The following BACE2 variants were observed in gnomAD, a reference collection of about 807,000 sequenced individuals.
The protein encoded by BACE2 is 56 kDa aspartic-like protease.
A neutral mutation model predicts 46.2 loss-of-function variants in BACE2; 17 were observed. That is an observed-to-expected ratio of 0.37 (90% CI 0.25 to 0.55). The LOEUF (loss-of-function observed/expected upper bound fraction) is 0.55. BACE2 is among the 20% of genes least tolerant of loss of function. The pLI, the probability that BACE2 is intolerant of heterozygous loss-of-function variation, is 0.82. For synonymous variants in BACE2, 277 were observed against 295.9 expected, an observed-to-expected ratio of 0.94 and a Z score of 0.66; for missense variants, 595 against 698.1, an observed-to-expected ratio of 0.85 and a Z score of 1.66.
intron 8 of BACE2, among the ~76,000 whole-genome samples, chr21:41,273,195 G>A (rs535240007): frequency 3.9e-5 from 6 of 152,186 alleles, no homozygotes; most frequent in Non-Finnish European, 7.3e-5. Flanking sequence ...AAGATCACAG[G>A]ACCAGGGCGA....
chr21:41,228,244 C>T lies in BACE2; in HGVS notation c.401+1890C>T, dbSNP rs77714457. On this transcript the variant is annotated intron_variant, in intron 2 of 8. Coordinates refer to ENST00000330333, the MANE Select transcript of BACE2 (RefSeq NM_012105.5). ...CCTCAGTACGTGAACACTCTGGCTC[C>T]GTGGTGCTGGTAGACCACGCAGTAG... is the stretch of plus-strand genomic sequence containing the variant. 8.7e-3 allele frequency among the ~76,000 whole-genome samples: 1,332 copies of T among 152,244 alleles called. 29 individuals carry two copies. Among genetic ancestry groups the T allele is most frequent in the African/African-American group, 0.029 (1,222 of 41,536 alleles).
intron 1 of BACE2, among the ~76,000 whole-genome samples, chr21:41,187,893 TC>T (rs1985433344): frequency 6.6e-6 from 1 of 152,210 alleles, no homozygotes; most frequent in Non-Finnish European, 1.5e-5. Context: ...TTCCATGTAA[TC>T]CATCAGGAAG....
intron 2 of BACE2, among the ~76,000 whole-genome samples, chr21:41,235,073 C>A (rs988616881): frequency 6.6e-6 from 1 of 152,150 alleles, no homozygotes; most frequent in Non-Finnish European, 1.5e-5. Flanking sequence ...GCCAGACCTT[C>A]GTAAAATAAC....
intron 1 of BACE2, among the ~76,000 whole-genome samples, chr21:41,173,347 G>C (rs1413195147): frequency 6.6e-6 from 1 of 152,236 alleles, no homozygotes; most frequent in African/African-American, 2.4e-5. Context: ...CGGCAAGAGA[G>C]TGCCCTGGGG....
chr21:41,173,700 C>T (rs559881533), intron 1 of BACE2, among the ~76,000 whole-genome samples: 80 of 152,178 alleles, frequency 5.3e-4, no homozygotes, highest in Non-Finnish European at 8.8e-4. Context: ...GAGCCGAGAT[C>T]GTGTCACTGC....
At chr21:41,189,808 T>C (rs1272365665) in intron 1 of BACE2, among the ~76,000 whole-genome samples, 3 of 152,164 alleles carry the variant, frequency 2.0e-5, no homozygotes, top group Non-Finnish European at 4.4e-5. Flanking sequence ...CATAGACATA[T>C]AGATAAAGGG....
At chr21:41,184,317 A>G (rs1352695375) in intron 1 of BACE2, 2 of 167,074 alleles carry the variant, frequency 1.2e-5, no homozygotes, top group Non-Finnish European at 2.9e-5. Context: ...TGGCTTAACC[A>G]CACACTTTTT....
At chr21:41,207,835 G>A (rs1203831769) in intron 1 of BACE2, among the ~76,000 whole-genome samples, 14 of 152,218 alleles carry the variant, frequency 9.2e-5, no homozygotes, top group Non-Finnish European at 1.8e-4. Flanking sequence ...GGCAGAGTGA[G>A]AATCAGACCC....
intron 7 of BACE2, among the ~76,000 whole-genome samples, chr21:41,253,963 C>A (rs1245621885): frequency 6.6e-6 from 1 of 152,220 alleles, no homozygotes; most frequent in Admixed American, 6.5e-5. Flanking sequence ...TGGGAAAGAT[C>A]ACCTGGTGAG....
chr21:41,258,414 C>G (rs1987847059), intron 8 of BACE2, among the ~76,000 whole-genome samples: 1 of 152,230 alleles, frequency 6.6e-6, no homozygotes, highest in African/African-American at 2.4e-5. Context: ...AGCCTCAACT[C>G]AGACCTTCAC....
At chr21:41,215,639 A>C (rs889838492) in intron 1 of BACE2, among the ~76,000 whole-genome samples, 1 of 152,204 alleles carries the variant, frequency 6.6e-6, no homozygotes, top group South Asian at 2.1e-4. Context: ...TGTGACTTCT[A>C]TGGGAGGCTC....
At chr21:41,183,677 A>C (rs1167897833) in intron 1 of BACE2, 1 of 167,214 alleles carries the variant, frequency 6.0e-6, no homozygotes, top group Admixed American at 6.5e-5. Context: ...AAAAATGTTC[A>C]GGCGGCTGCT....
At chr21:41,272,227 C>T (rs1039959775) in intron 8 of BACE2, among the ~76,000 whole-genome samples, 35 of 151,896 alleles carry the variant, frequency 2.3e-4, no homozygotes, top group African/African-American at 4.1e-4. Context: ...TCTTTTTTCT[C>T]TCTCCTTGCT....
chr21:41,204,876 C>T (rs1336926756), intron 1 of BACE2, among the ~76,000 whole-genome samples: 3 of 152,188 alleles, frequency 2.0e-5, no homozygotes, highest in Non-Finnish European at 2.9e-5. Flanking sequence ...CTTGGAAGGG[C>T]TTTAAGAAAG....
At chr21:41,235,673 C>CA (rs1033704577) in intron 2 of BACE2, among the ~76,000 whole-genome samples, 1 of 151,754 alleles carries the variant, frequency 6.6e-6, no homozygotes, top group Non-Finnish European at 1.5e-5. Flanking sequence ...CCTGTCTCGG[C>CA]AAAAAAAGAA....
chr21:41,172,305 C>A lies in BACE2; in HGVS notation c.312+3730C>A, dbSNP rs1040073871. Among the ~76,000 whole-genome samples the A allele has an allele frequency of 3.3e-5, 5 of 152,306 alleles. 1 individual carries two copies. Among genetic ancestry groups the A allele is most frequent in the Admixed American group, 3.3e-4 (5 of 15,300 alleles). On this transcript the variant is annotated intron_variant, in intron 1 of 8. Coordinates refer to ENST00000330333, the MANE Select transcript of BACE2 (RefSeq NM_012105.5). ...ATCAGCTTGAAACAACAAGGAGGGA[C>A]AGGAGTCTGAGAAATAGTTTATAAG...
At chr21:41,222,873 A>T (rs1459147845) in intron 1 of BACE2, among the ~76,000 whole-genome samples, 1 of 152,082 alleles carries the variant, frequency 6.6e-6, no homozygotes, top group Non-Finnish European at 1.5e-5. Flanking sequence ...AGCCCTAGGG[A>T]TCACCTCCGG....
intron 1 of BACE2, among the ~76,000 whole-genome samples, chr21:41,213,046 T>A (rs1986347806): frequency 6.6e-6 from 1 of 152,230 alleles, no homozygotes. Flanking sequence ...ATTGGCATTC[T>A]CTCTGCTCCC....
At chr21:41,201,141 T>G (rs182776493) in intron 1 of BACE2, among the ~76,000 whole-genome samples, 44 of 152,358 alleles carry the variant, frequency 2.9e-4, no homozygotes, top group African/African-American at 1.1e-3. Flanking sequence ...GTTGCCCCTC[T>G]GCTGTCTTAC....
Sources: allele counts gnomAD v4.1 joint callset (sites outside exome capture counted in the v4.1 genomes callset), GRCh38; gene constraint gnomAD v4.1.1; transcripts MANE v1.5; gene names NCBI Gene and HGNC (gene_info 2026-07-23, HGNC 2026-07-21).